Variants in CNTNAP2 observed in about 807,000 individuals in gnomAD.
CNTNAP2 encodes contactin associated protein 2.
A neutral mutation model predicts 155.2 loss-of-function variants in CNTNAP2; 98 were observed. That is an observed-to-expected ratio of 0.63 (90% CI 0.54 to 0.75). The LOEUF is 0.75. Ranked by LOEUF, CNTNAP2 falls within the 30% of genes least tolerant of loss-of-function variation. CNTNAP2 has a pLI of 0.00. For synonymous variants in CNTNAP2, 651 were observed against 631.2 expected, an observed-to-expected ratio of 1.03 and a Z score of -0.47; for missense variants, 1,727 against 1,688.1, an observed-to-expected ratio of 1.02 and a Z score of -0.40.
At chr7:147,975,986 C>A (rs1012885885) in intron 14 of CNTNAP2, among the ~76,000 whole-genome samples, 11 of 152,166 alleles carry the variant, frequency 7.2e-5, no homozygotes, top group African/African-American at 2.4e-4. Flanking sequence ...TCTGCCATAG[C>A]TTCTTACCTC....
intron 13 of CNTNAP2, among the ~76,000 whole-genome samples, chr7:147,653,380 G>C (rs1341678025): frequency 6.6e-6 from 1 of 152,080 alleles, no homozygotes; most frequent in Non-Finnish European, 1.5e-5. Flanking sequence ...CTGTTAAAAC[G>C]AGAAAGATCA....
intron 1 of CNTNAP2, among the ~76,000 whole-genome samples, chr7:146,165,386 CCAAA>C (rs748195210): frequency 1.3e-5 from 2 of 152,070 alleles, no homozygotes; most frequent in African/African-American, 4.8e-5. Context: ...ATGTTTGCTA[CCAAA>C]CAGTCTTAAA....
At chr7:146,671,723 G>A (rs1291433567) in intron 1 of CNTNAP2, among the ~76,000 whole-genome samples, 1 of 151,936 alleles carries the variant, frequency 6.6e-6, no homozygotes, top group Non-Finnish European at 1.5e-5. Flanking sequence ...TGATAATTTA[G>A]CCTTATATTT....
chr7:148,341,488 A>G (rs1798234570), intron 21 of CNTNAP2, among the ~76,000 whole-genome samples: 1 of 152,150 alleles, frequency 6.6e-6, no homozygotes, highest in South Asian at 2.1e-4. Flanking sequence ...AAGTATTGAT[A>G]TTGTCCCCAT....
At chr7:147,679,414 A>T (rs564782548) in intron 13 of CNTNAP2, among the ~76,000 whole-genome samples, 1 of 151,954 alleles carries the variant, frequency 6.6e-6, no homozygotes, top group African/African-American at 2.4e-5. Context: ...ATTAACAAGG[A>T]TTAAGAACAA....
intron 18 of CNTNAP2, among the ~76,000 whole-genome samples, chr7:148,208,363 G>A (rs558250630): frequency 6.6e-6 from 1 of 152,274 alleles, no homozygotes. Context: ...TCCCATGAAA[G>A]AACAAGGCGG....
chr7:146,125,581 C>CAA (rs57234097), intron 1 of CNTNAP2, among the ~76,000 whole-genome samples: 775 of 58,740 alleles, frequency 0.013, 18 homozygotes, highest in African/African-American at 0.031. Context: ...ACTCCGTCTC[C>CAA]AAAAAAAAAA....
At chr7:147,629,175 G>T (rs1795039842) in intron 12 of CNTNAP2, among the ~76,000 whole-genome samples, 3 of 152,160 alleles carry the variant, frequency 2.0e-5, no homozygotes, top group African/African-American at 7.2e-5. Context: ...GCTGAGGTGG[G>T]TGGATCACCT....
chr7:147,821,104 G>T (rs1798352550), intron 13 of CNTNAP2, among the ~76,000 whole-genome samples: 1 of 152,082 alleles, frequency 6.6e-6, no homozygotes, highest in Non-Finnish European at 1.5e-5. Flanking sequence ...GTTACCTGTG[G>T]CAGGTAGCAG....
chr7:146,705,534 C>T (rs746217003), intron 1 of CNTNAP2, among the ~76,000 whole-genome samples: 12 of 152,022 alleles, frequency 7.9e-5, no homozygotes, highest in East Asian at 1.9e-4. Context: ...CTTGGTACAA[C>T]GTATTAGTCT....
At chr7:147,755,033 T>C (rs1797194935) in intron 13 of CNTNAP2, among the ~76,000 whole-genome samples, 1 of 152,224 alleles carries the variant, frequency 6.6e-6, no homozygotes, top group Non-Finnish European at 1.5e-5. Context: ...CTGAGATCTT[T>C]ACATAAAATT....
intron 10 of CNTNAP2, among the ~76,000 whole-genome samples, chr7:147,414,406 A>G (rs1335829673): frequency 6.7e-6 from 1 of 149,276 alleles, no homozygotes; most frequent in Non-Finnish European, 1.5e-5. Context: ...TCTGGGCAAC[A>G]GAGCAAGAGT....
intron 8 of CNTNAP2, among the ~76,000 whole-genome samples, chr7:147,227,109 G>A (rs1394720315): frequency 6.6e-6 from 1 of 152,152 alleles, no homozygotes; most frequent in African/African-American, 2.4e-5. Context: ...TGAGAAGATG[G>A]CAATTTAGTA....
intron 13 of CNTNAP2, among the ~76,000 whole-genome samples, chr7:147,690,491 A>C (rs1481714370): frequency 6.6e-6 from 1 of 152,162 alleles, no homozygotes; most frequent in African/African-American, 2.4e-5. Flanking sequence ...ATTTACGATG[A>C]TGGTGACCAC....
intron 4 of CNTNAP2, among the ~76,000 whole-genome samples, chr7:147,065,608 A>G (rs968278756): frequency 6.6e-6 from 1 of 152,176 alleles, no homozygotes; most frequent in Non-Finnish European, 1.5e-5. Flanking sequence ...TTCCTCTTAT[A>G]TCCTGTCACT....
At chr7:147,561,252 G>A (rs1800059643) in intron 11 of CNTNAP2, among the ~76,000 whole-genome samples, 1 of 152,114 alleles carries the variant, frequency 6.6e-6, no homozygotes, top group Non-Finnish European at 1.5e-5. Context: ...CTTACCCAAA[G>A]ACTTCACTGC....
chr7:147,371,996 G>A (rs1295960963), intron 9 of CNTNAP2, among the ~76,000 whole-genome samples: 1 of 152,004 alleles, frequency 6.6e-6, no homozygotes, highest in Non-Finnish European at 1.5e-5. Context: ...TGACAAGTAC[G>A]GTAGCCACCA....
intron 12 of CNTNAP2, among the ~76,000 whole-genome samples, chr7:147,613,272 A>G (rs1479438785): frequency 6.6e-6 from 1 of 152,172 alleles, no homozygotes; most frequent in Non-Finnish European, 1.5e-5. Flanking sequence ...TTGATTAACC[A>G]TGTGGTTTAC....
chr7:147,595,177 A>G (rs1262271687), intron 12 of CNTNAP2, among the ~76,000 whole-genome samples: 6 of 152,088 alleles, frequency 3.9e-5, no homozygotes, highest in Non-Finnish European at 8.8e-5. Flanking sequence ...AAGAGCGTTG[A>G]TGTCCTCATA....
Sources: gnomAD v4.1 joint callset for allele counts (sites outside exome capture counted in the v4.1 genomes callset) on GRCh38, gnomAD v4.1.1 for gene constraint, MANE v1.5 for transcripts, NCBI Gene and HGNC (gene_info 2026-07-23, HGNC 2026-07-21) for gene names.